Variants in CDK6 observed in about 807,000 individuals in gnomAD.
The protein encoded by CDK6 is cyclin-dependent kinase 6.
CDK6 carries 6 observed loss-of-function variants against 37.1 expected under a neutral mutation model. The observed-to-expected ratio is 0.16, with a 90% confidence interval of 0.09 to 0.32. CDK6 has a LOEUF of 0.32. Ranked by LOEUF, CDK6 falls within the 10% of genes least tolerant of loss-of-function variation. CDK6 has a pLI of 1.00. For synonymous variants in CDK6, 160 were observed against 161.3 expected, an observed-to-expected ratio of 0.99 and a Z score of 0.06; for missense variants, 224 against 418.9, an observed-to-expected ratio of 0.53 and a Z score of 4.06.
chr7:92,632,858 AAAT>A (rs954459866), intron 5 of CDK6, among the ~76,000 whole-genome samples: 17 of 151,988 alleles, frequency 1.1e-4, no homozygotes, highest in Admixed American at 7.2e-4. Flanking sequence ...AAATAGATGA[AAAT>A]AAATTACACA....
chr7:92,781,767 A>T (rs1799998246), intron 2 of CDK6, among the ~76,000 whole-genome samples: 1 of 152,196 alleles, frequency 6.6e-6, no homozygotes, highest in Non-Finnish European at 1.5e-5. Context: ...AAGGGCCACA[A>T]CAAAATTCTG....
chr7:92,742,188 G>C (rs149292682), intron 3 of CDK6, among the ~76,000 whole-genome samples: 1 of 152,194 alleles, frequency 6.6e-6, no homozygotes, highest in Non-Finnish European at 1.5e-5. Flanking sequence ...CTTAGGTTGA[G>C]AGTGAAAAGC....
At chr7:92,823,831 A>G (rs761422917) in intron 2 of CDK6, among the ~76,000 whole-genome samples, 15 of 152,034 alleles carry the variant, frequency 9.9e-5, no homozygotes, top group Non-Finnish European at 1.9e-4. Context: ...TTTTTTCAGA[A>G]AAAGTTTTTA....
chr7:92,761,019 C>T (rs972740867), intron 3 of CDK6, among the ~76,000 whole-genome samples: 1 of 152,006 alleles, frequency 6.6e-6, no homozygotes, highest in Admixed American at 6.6e-5. Flanking sequence ...TTATCCATAT[C>T]TAAACTGGGT....
intron 2 of CDK6, among the ~76,000 whole-genome samples, chr7:92,786,767 T>C (rs1800152458): frequency 6.6e-6 from 1 of 151,064 alleles, no homozygotes; most frequent in Admixed American, 6.6e-5. Context: ...CTTAAAATAA[T>C]GGTACTGATA....
In CDK6 at chr7:92,630,637, T is replaced by C. The variant is rs575156293; in HGVS notation, c.648-7551A>G. 9.8e-5 allele frequency among the ~76,000 whole-genome samples: 15 copies of C among 152,292 alleles called. No individual in the cohort carries two copies. The South Asian group carries it at 1.7e-3, about 17-fold the overall frequency. On this transcript the variant is annotated intron_variant, in intron 5 of 7. Coordinates refer to ENST00000424848, the MANE Select transcript of CDK6 (RefSeq NM_001145306.2). Reference sequence around the variant, plus strand: ...TATGGTACCCCCATGGAATCACTCCTGTCACTATGGGCTTCTTTAATAGTC... The same window carrying C: ...TATGGTACCCCCATGGAATCACTCCCGTCACTATGGGCTTCTTTAATAGTC...
intron 4 of CDK6, among the ~76,000 whole-genome samples, chr7:92,707,036 T>C (rs191851275): frequency 9.2e-5 from 14 of 152,326 alleles, no homozygotes; most frequent in African/African-American, 2.6e-4. Flanking sequence ...CTCCCTAAGA[T>C]GTTAGTAATC....
chr7:92,790,942 T>A (rs1800266426), intron 2 of CDK6, among the ~76,000 whole-genome samples: 1 of 152,148 alleles, frequency 6.6e-6, no homozygotes, highest in Non-Finnish European at 1.5e-5. Flanking sequence ...AGAACTTTGT[T>A]CCTCTGGAAA....
chr7:92,664,349 T>C (rs975515476), intron 5 of CDK6, among the ~76,000 whole-genome samples: 4 of 152,216 alleles, frequency 2.6e-5, no homozygotes, highest in African/African-American at 9.6e-5. Context: ...TCTGGCACCC[T>C]GGTGTTCAGG....
rs1197601081 is a variant in CDK6 at position 92,733,616 on chromosome 7, T to A, written c.370-7823A>T. On this transcript the variant is annotated intron_variant, in intron 3 of 7. Transcript: ENST00000424848. ...ATGGTTCTATATTTTTCTATTTTTA[T>A]TTATATTCTATGATTAGCAAAAGGG... 2.6e-5 allele frequency among the ~76,000 whole-genome samples: 4 copies of A among 152,206 alleles called. 1 individual carries two copies. The highest frequency in any genetic ancestry group is 9.6e-5 in the African/African-American group (4 of 41,464).
intron 2 of CDK6, among the ~76,000 whole-genome samples, chr7:92,805,396 C>A (rs1274438431): frequency 2.0e-5 from 3 of 152,238 alleles, no homozygotes; most frequent in South Asian, 4.1e-4. Context: ...AATAAAAATC[C>A]ATTTTCCGTC....
chr7:92,697,764 T>C (rs1797753762), intron 4 of CDK6, among the ~76,000 whole-genome samples: 1 of 152,244 alleles, frequency 6.6e-6, no homozygotes, highest in Admixed American at 6.5e-5. Flanking sequence ...AGATTTTTCA[T>C]CGTATTACTG....
chr7:92,760,167 C>A (rs1403234435), intron 3 of CDK6, among the ~76,000 whole-genome samples: 1 of 152,182 alleles, frequency 6.6e-6, no homozygotes, highest in Non-Finnish European at 1.5e-5. Flanking sequence ...CTCTCATCAG[C>A]AATTGCTTCC....
chr7:92,732,372 G>A (rs1798670694), intron 3 of CDK6, among the ~76,000 whole-genome samples: 1 of 152,204 alleles, frequency 6.6e-6, no homozygotes, highest in Admixed American at 6.5e-5. Flanking sequence ...AGCCGTGATT[G>A]CACCACTGCA....
In CDK6 at chr7:92,613,212, TCTC is replaced by T. The variant is rs1562909556; in HGVS notation, c.*1925_*1927del. 4.3e-6 allele frequency: 1 copy of T among 233,076 alleles called. No homozygotes were observed. Among genetic ancestry groups the T allele is most frequent in the African/African-American group, 2.2e-5 (1 of 45,338 alleles). 14.4% of individuals were successfully genotyped at this position (233,076 alleles called of 1,614,324 possible). On this transcript the variant is annotated 3_prime_UTR_variant, in exon 8 of 8. Transcript: ENST00000424848. ...CCCCAAAAGCTCTTCAGGAGAAACA[TCTC>T]CTAGTTTTTTCTCTTGTTCAAGATA... is the stretch of plus-strand genomic sequence containing the variant.
intron 4 of CDK6, among the ~76,000 whole-genome samples, chr7:92,687,746 C>T (rs1276436972): frequency 6.6e-6 from 1 of 152,088 alleles, no homozygotes; most frequent in Non-Finnish European, 1.5e-5. Flanking sequence ...ATATAAACAC[C>T]ACTCAGACCA....
chr7:92,679,044 G>T (rs955815341), intron 4 of CDK6, among the ~76,000 whole-genome samples: 1 of 152,190 alleles, frequency 6.6e-6, no homozygotes, highest in African/African-American at 2.4e-5. Context: ...CTGACTGCGA[G>T]TAAGACTCAG....
chr7:92,772,011 G>A (rs970676678), intron 3 of CDK6, among the ~76,000 whole-genome samples: 2 of 152,078 alleles, frequency 1.3e-5, no homozygotes, highest in African/African-American at 2.4e-5. Context: ...CAAAAGATAC[G>A]AGTGTTGATT....
At chr7:92,778,256 T>C (rs544460343) in intron 2 of CDK6, among the ~76,000 whole-genome samples, 1 of 152,196 alleles carries the variant, frequency 6.6e-6, no homozygotes, top group Non-Finnish European at 1.5e-5. Flanking sequence ...GGGTGAATTA[T>C]ACAACTCCAT....
Sources: allele counts gnomAD v4.1 joint callset (sites outside exome capture counted in the v4.1 genomes callset), GRCh38; gene constraint gnomAD v4.1.1; transcripts MANE v1.5; gene names NCBI Gene and HGNC (gene_info 2026-07-23, HGNC 2026-07-21).